Variants in RASGRP4 observed in about 807,000 individuals in gnomAD.
RASGRP4 encodes the protein RAS guanyl-releasing protein 4.
Under a neutral mutation model 84.4 loss-of-function variants are expected in RASGRP4, and 52 were observed. The observed-to-expected ratio is 0.62, with a 90% CI of 0.49 to 0.78. The LOEUF (loss-of-function observed/expected upper bound fraction) is 0.78. Among genes scored for constraint, RASGRP4 ranks in the 30% least tolerant of loss-of-function variants. The probability of loss-of-function intolerance (pLI) is 0.00; values close to 1 mark genes in which losing one functional copy is unlikely to be tolerated. For missense variants in RASGRP4, 760 were observed against 886.9 expected (o/e 0.86, Z 1.82); for synonymous variants, 356 against 359.1 (o/e 0.99, Z 0.10).
Position 38,412,870 on chromosome 19 carries a change from A to G in RASGRP4, c.1536-54T>C, listed in dbSNP as rs1971324639. 2 of 1,612,822 alleles carry G rather than the reference A, an allele frequency of 1.2e-6. No homozygotes were observed. The highest frequency in any genetic ancestry group is 1.7e-6 in the Non-Finnish European group (2 of 1,179,182). On this transcript the variant is annotated intron_variant, in intron 12 of 16. Transcript: ENST00000615439. The surrounding 1 kb of genome is among the most constrained non-coding windows in gnomAD (Gnocchi z 4.6). ...ACCTGCCCCAACGTCCTCCAGACCC[A>G]GGAGTCCAGGCAACCCCAGTGTCCT...
intron 16 of RASGRP4, among the ~76,000 whole-genome samples, chr19:38,410,367 G>A (rs1346174671): frequency 6.6e-6 from 1 of 151,156 alleles, no homozygotes; most frequent in Non-Finnish European, 1.5e-5. Context: ...TTCTCCTAGT[G>A]GTTATTGTCC....
In RASGRP4 at chr19:38,412,538, G is replaced by C. The variant is rs1293798723; in HGVS notation, c.1680+134C>G. 2.5e-6 allele frequency: 2 copies of C among 795,260 alleles called. No individual in the cohort carries two copies. The highest frequency in any genetic ancestry group is 2.0e-6 in the Non-Finnish European group (1 of 511,254). 49.3% of individuals were successfully genotyped at this position (795,260 alleles called of 1,614,324 possible). On this transcript the variant is annotated intron_variant, in intron 13 of 16. Coordinates refer to ENST00000615439, the MANE Select transcript of RASGRP4 (RefSeq NM_170604.3). The surrounding 1 kb of genome is among the most constrained non-coding windows in gnomAD (Gnocchi z 4.6). Reference sequence around the variant, plus strand: ...TTATCCAGGATATAGGGAATGTCTGGTGTTTAGGGTTTATATGAAACAGGA... The same window carrying C: ...TTATCCAGGATATAGGGAATGTCTGCTGTTTAGGGTTTATATGAAACAGGA...
intron 1 of RASGRP4, among the ~76,000 whole-genome samples, chr19:38,425,694 C>G (rs1416833029): frequency 6.6e-6 from 1 of 152,158 alleles, no homozygotes; most frequent in African/African-American, 2.4e-5. Context: ...GTCGCCTTGC[C>G]CTGTGCCACA....
Position 38,418,319 on chromosome 19 carries a change from C to G in RASGRP4, c.837+72G>C. On this transcript the variant is annotated intron_variant, in intron 7 of 16. Transcript: ENST00000615439. The surrounding 1 kb of genome is among the most constrained non-coding windows in gnomAD (Gnocchi z 4.6). The stretch of plus-strand genomic sequence containing the variant: ...CACCGCCGGGATGACCCTGTGGGGT[C>G]GAGGGTCTGGAAGGGGAAGGACCAG... 1 of 1,471,002 alleles carries G rather than the reference C, an allele frequency of 6.8e-7. No individual in the cohort carries two copies. Among genetic ancestry groups the G allele is most frequent in the Non-Finnish European group, 9.3e-7 (1 of 1,077,586 alleles). The allele number at this position is 1,471,002 out of a possible 1,614,324, so 91.1% of individuals were successfully genotyped here.
chr19:38,419,828 T>C (rs1382929776), intron 6 of RASGRP4, 32 bp downstream of exon 6: 2 of 1,553,118 alleles, frequency 1.3e-6, no homozygotes, highest in Non-Finnish European at 1.7e-6. Flanking sequence ...GTGTCTCCCC[T>C]GCTTGGGACG....
chr19:38,420,832 C>G, intron 4 of RASGRP4, 76 bp downstream of exon 4: 2 of 1,467,904 alleles, frequency 1.4e-6, no homozygotes, highest in Non-Finnish European at 1.9e-6. Flanking sequence ...TGGGGATTCT[C>G]TGAGGAATGT....
At position 38,420,915 on chromosome 19, in the gene RASGRP4, G is replaced by A; in HGVS notation, c.370C>T (p.Leu124=). 1 of 1,602,426 alleles carries A rather than the reference G, an allele frequency of 6.2e-7. No individual in the cohort carries two copies. Among genetic ancestry groups the A allele is most frequent in the Non-Finnish European group, 8.5e-7 (1 of 1,174,932 alleles). Residue 124 remains leucine, a synonymous_variant, in exon 4 of 17, where the codon CTG becomes TTG. Coordinates refer to ENST00000615439, the MANE Select transcript of RASGRP4 (RefSeq NM_170604.3). Reference sequence around the variant, plus strand: ...ATCTCGGCCCAGCCCTACCTGACCAGGTGACAGATCTGCAGCCGTCTCAGC... The same window carrying A: ...ATCTCGGCCCAGCCCTACCTGACCAAGTGACAGATCTGCAGCCGTCTCAGC... ...QELRRLQICH[L]VRYWLMRHPE...
chr19:38,424,204 C>A (rs897596965), intron 1 of RASGRP4, among the ~76,000 whole-genome samples: 1 of 151,506 alleles, frequency 6.6e-6, no homozygotes, highest in Non-Finnish European at 1.5e-5. Context: ...ACTGCAACCT[C>A]CACCTCCCGG....
chr19:38,410,560 C>A (rs565588338), intron 16 of RASGRP4, among the ~76,000 whole-genome samples: 9 of 151,928 alleles, frequency 5.9e-5, no homozygotes, highest in African/African-American at 1.9e-4. Flanking sequence ...CTACAGGCAC[C>A]CGCCATCACA....
Position 38,412,592 on chromosome 19 carries a change from T to A in RASGRP4, c.1680+80A>T. The A allele has an allele frequency of 7.4e-7, 1 of 1,357,070 alleles. No individual in the cohort carries two copies. Among genetic ancestry groups the A allele is most frequent in the Non-Finnish European group, 1.0e-6 (1 of 989,706 alleles). The allele number at this position is 1,357,070 out of a possible 1,614,324, so 84.1% of individuals were successfully genotyped here. ...TTTGAAGCTGGAGGATTTCTGGAAT[T>A]TGGGGGTTATCTGGGGTTTGCGGAC... On this transcript the variant is annotated intron_variant, in intron 13 of 16. Transcript: ENST00000615439. This position sits in a 1 kb window ranked among gnomAD's most constrained non-coding sequence, Gnocchi z 4.6.
In RASGRP4 at chr19:38,411,184, C is replaced by G. The variant is rs1167363041; in HGVS notation, c.1783G>C (p.Gly595Arg). ...GGGGGTCCTGCATCGCCCTTGGCCC[C>G]TGGCCTCTTCTTACATTCTACCTTC... ...QVKVECKKRP[G>R]AKGDAGPPGA... The change falls in exon 15 of 17, where the codon GGG (glycine) becomes CGG (arginine). Residue 595 changes from glycine (G) to arginine (R), a missense_variant. By Grantham distance (125) the Gly-to-Arg change is moderately radical. Coordinates refer to ENST00000615439, the MANE Select transcript of RASGRP4 (RefSeq NM_170604.3). The G allele has an allele frequency of 1.5e-5, 25 of 1,613,852 alleles. No individual in the cohort carries two copies. The highest frequency in any genetic ancestry group is 1.9e-5 in the Non-Finnish European group (23 of 1,179,896).
chr19:38,420,791 G>A (rs1341052264), intron 4 of RASGRP4, 117 bp downstream of exon 4: 10 of 1,023,172 alleles, frequency 9.8e-6, no homozygotes, highest in Non-Finnish European at 1.5e-5. Context: ...ATTTTGGCCT[G>A]TGGGGCTGGT....
rs1408985875 is a variant in RASGRP4 at position 38,417,447 on chromosome 19, C to T, written c.838-279G>A. Among the ~76,000 whole-genome samples, 4 of 151,936 alleles carry T rather than the reference C, an allele frequency of 2.6e-5. No homozygotes were observed. The highest frequency in any genetic ancestry group is 6.6e-5 in the Admixed American group (1 of 15,250). Reference sequence around the variant, plus strand: ...GAGACAGGAAGTACGAGAAGTTGGGCGGATTTGGGGAATAGACAGGTGTGT... The same window carrying T: ...GAGACAGGAAGTACGAGAAGTTGGGTGGATTTGGGGAATAGACAGGTGTGT... On this transcript the variant is annotated intron_variant, in intron 7 of 16. Coordinates refer to ENST00000615439, the MANE Select transcript of RASGRP4 (RefSeq NM_170604.3). The surrounding 1 kb of genome is among the most constrained non-coding windows in gnomAD (Gnocchi z 5.1).
rs56791891 is a variant in RASGRP4 at position 38,412,083 on chromosome 19, T to TTTGTTGTTG, written c.1680+580_1680+588dup. Among the ~76,000 whole-genome samples, 61 of 128,792 alleles carry TTTGTTGTTG rather than the reference T, an allele frequency of 4.7e-4. No individual in the cohort carries two copies. Among genetic ancestry groups the TTTGTTGTTG allele is most frequent in the East Asian group, 3.4e-3 (15 of 4,412 alleles). 84.5% of individuals were successfully genotyped at this position (128,792 alleles called of 152,430 possible). On this transcript the variant is annotated intron_variant, in intron 13 of 16. Coordinates refer to ENST00000615439, the MANE Select transcript of RASGRP4 (RefSeq NM_170604.3). The surrounding 1 kb of genome is among the most constrained non-coding windows in gnomAD (Gnocchi z 4.6). ...CTACCCGGTTTGGAGATTATCCAGG[T>TTTGTTGTTG]TTGTTGTTGTTGTTGTTGTTGTTGT... is the stretch of plus-strand genomic sequence containing the variant.
intron 9 of RASGRP4, among the ~76,000 whole-genome samples, chr19:38,414,546 G>A (rs555310640): frequency 2.0e-5 from 3 of 151,844 alleles, no homozygotes; most frequent in East Asian, 2.0e-4. Flanking sequence ...GGCTGGTCTC[G>A]AACTCCTGAC....
chr19:38,418,285 G>A lies in RASGRP4; in HGVS notation c.837+106C>T, dbSNP rs1971588117. The stretch of plus-strand genomic sequence containing the variant: ...GGCCTCGGGGGCGGGGCCGGGAGAT[G>A]CGTGACGTCACCGCCGGGATGACCC... On this transcript the variant is annotated intron_variant, in intron 7 of 16. Transcript: ENST00000615439. This position sits in a 1 kb window ranked among gnomAD's most constrained non-coding sequence, Gnocchi z 4.6. The A allele has an allele frequency of 8.5e-7, 1 of 1,181,384 alleles. No individual in the cohort carries two copies. Among genetic ancestry groups the A allele is most frequent in the Admixed American group, 2.2e-5 (1 of 45,268 alleles). 73.2% of individuals were successfully genotyped at this position (1,181,384 alleles called of 1,614,324 possible). A position where few individuals can be genotyped will look rare whatever the true frequency, so the allele number is the denominator to read the frequency against.
At chr19:38,416,726 C>T (rs1423920722) in intron 8 of RASGRP4, among the ~76,000 whole-genome samples, 3 of 152,164 alleles carry the variant, frequency 2.0e-5, no homozygotes, top group African/African-American at 4.8e-5. Flanking sequence ...AGGGCATCTT[C>T]GGCTTAATTT....
rs767704869 is a variant in RASGRP4, at chr19:38,414,970, G to A, written c.1108C>T (p.Pro370Ser). The A allele has an allele frequency of 6.2e-7, 1 of 1,613,436 alleles. No individual in the cohort carries two copies. The highest frequency in any genetic ancestry group is 1.7e-5 in the Admixed American group (1 of 59,958). Residue 370 changes from proline (P) to serine (S), a missense_variant, in exon 9 of 17, where the codon CCT (proline) becomes TCT (serine). Coordinates refer to ENST00000615439, the MANE Select transcript of RASGRP4 (RefSeq NM_170604.3). Reference protein sequence around the residue: ...SLHEAQPDRLPDGRLHLPKLN... With the variant: ...SLHEAQPDRLSDGRLHLPKLN... ...TTGGGTAGGTGCAGGCGGCCGTCAG[G>A]CAACCTGTCGGGCTGTGCCTCATGC...
rs1291657382 is a variant in RASGRP4, at chr19:38,417,093, G to A, written c.913C>T (p.Leu305Phe). 2 of 1,564,104 alleles carry A rather than the reference G, an allele frequency of 1.3e-6. No homozygotes were observed. Among genetic ancestry groups the A allele is most frequent in the Non-Finnish European group, 8.7e-7 (1 of 1,154,064 alleles). The change falls in exon 8 of 17, where the codon CTC becomes TTC. Residue 305 changes from leucine to phenylalanine, a missense_variant. Physicochemically the swap from Leu to Phe is conservative, Grantham distance 22. Coordinates refer to ENST00000615439, the MANE Select transcript of RASGRP4 (RefSeq NM_170604.3). This position sits in a 1 kb window ranked among gnomAD's most constrained non-coding sequence, Gnocchi z 5.1. ...GGLCHSAISRLKDSHAHLSPD... is the reference protein window; with the variant it reads ...GGLCHSAISRFKDSHAHLSPD... ...CTCAGGTGGGCATGGGAGTCCTTGA[G>A]TCTGGAGATGGCACTGTGACACAGG... is the stretch of plus-strand genomic sequence containing the variant.
Sources: gnomAD v4.1 joint callset for allele counts (sites outside exome capture counted in the v4.1 genomes callset) on GRCh38, gnomAD v4.1.1 for gene constraint, Gnocchi (gnomAD v3.1) non-coding constraint, MANE v1.5 for transcripts, NCBI Gene and HGNC (gene_info 2026-07-23, HGNC 2026-07-21) for gene names.